The following NKAIN3 variants were observed in gnomAD, a reference collection of about 807,000 sequenced individuals.
NKAIN3 encodes the protein sodium/potassium-transporting ATPase subunit beta-1-interacting protein 3.
A neutral mutation model predicts 30.2 loss-of-function variants in NKAIN3; 25 were observed. The ratio of observed to expected loss-of-function variants is 0.83; its 90% CI spans 0.60 to 1.16. The LOEUF is 1.16. Ranked by LOEUF, NKAIN3 falls within the 50% of genes most tolerant of loss-of-function variation. The probability of loss-of-function intolerance (pLI) is 0.00; values close to 1 mark genes in which losing one functional copy is unlikely to be tolerated. For missense variants in NKAIN3, 225 were observed against 254.1 expected (o/e 0.89, Z 0.78); for synonymous variants, 91 against 89.6 (o/e 1.02, Z -0.09).
chr8:62,847,273 A>G (rs1273654932), intron 4 of NKAIN3, among the ~76,000 whole-genome samples: 2 of 152,186 alleles, frequency 1.3e-5, no homozygotes, highest in African/African-American at 2.4e-5. Flanking sequence ...ACTGTCTTCC[A>G]CAATGGTTGA....
At chr8:62,410,781 G>C (rs553275999) in intron 1 of NKAIN3, among the ~76,000 whole-genome samples, 2 of 152,034 alleles carry the variant, frequency 1.3e-5, no homozygotes, top group East Asian at 3.9e-4. Flanking sequence ...ATGAATTCCT[G>C]AAAACACATA....
At chr8:62,872,158 T>G (rs773986822) in intron 4 of NKAIN3, among the ~76,000 whole-genome samples, 1 of 152,228 alleles carries the variant, frequency 6.6e-6, no homozygotes, top group African/African-American at 2.4e-5. Context: ...ATAGCCTAGA[T>G]GTATAGTTGG....
At chr8:62,325,010 G>A (rs945102522) in intron 1 of NKAIN3, among the ~76,000 whole-genome samples, 1 of 151,556 alleles carries the variant, frequency 6.6e-6, no homozygotes, top group South Asian at 2.1e-4. Context: ...TACTTTTTGG[G>A]GTACATGTGG....
At chr8:62,377,893 G>C (rs1456889882) in intron 1 of NKAIN3, among the ~76,000 whole-genome samples, 1 of 152,148 alleles carries the variant, frequency 6.6e-6, no homozygotes, top group Non-Finnish European at 1.5e-5. Flanking sequence ...AGTGATGTGA[G>C]AATGGACTAA....
intron 1 of NKAIN3, among the ~76,000 whole-genome samples, chr8:62,576,201 T>A (rs1198146345): frequency 6.6e-6 from 1 of 151,914 alleles, no homozygotes; most frequent in Non-Finnish European, 1.5e-5. Context: ...GAGAAAAAAA[T>A]TGCAAACTAC....
chr8:62,810,731 G>T, intron 4 of NKAIN3, among the ~76,000 whole-genome samples: 1 of 137,286 alleles, frequency 7.3e-6, no homozygotes. Context: ...ATGTTTGTAT[G>T]CCTGCATGTA....
intron 4 of NKAIN3, among the ~76,000 whole-genome samples, chr8:62,801,372 T>TCAGC: frequency 6.6e-6 from 1 of 151,918 alleles, no homozygotes; most frequent in Middle Eastern, 3.4e-3. Flanking sequence ...CACCCCCCGA[T>TCAGC]AGGGGCAGAC....
At chr8:62,572,590 A>C (rs35447520) in intron 1 of NKAIN3, among the ~76,000 whole-genome samples, 56,473 of 152,062 alleles carry the variant, frequency 0.37, 12,343 homozygotes, top group Non-Finnish European at 0.5. Context: ...GGGCAATTTA[A>C]AAAGGAAAGA....
intron 4 of NKAIN3, among the ~76,000 whole-genome samples, chr8:62,902,522 C>G (rs1298608516): frequency 1.3e-5 from 2 of 152,108 alleles, no homozygotes; most frequent in South Asian, 2.1e-4. Context: ...ATTTATAAGT[C>G]CCCATAGCCA....
chr8:62,708,754 C>A (rs780006653), intron 3 of NKAIN3, among the ~76,000 whole-genome samples: 76 of 152,138 alleles, frequency 5.0e-4, no homozygotes, highest in Non-Finnish European at 1.6e-4. Context: ...ACTTCCAGTA[C>A]TATGTTGAAG....
intron 4 of NKAIN3, among the ~76,000 whole-genome samples, chr8:62,789,461 C>G (rs891317204): frequency 6.6e-6 from 1 of 152,118 alleles, no homozygotes; most frequent in Admixed American, 6.6e-5. Context: ...TCTAGATATA[C>G]AATCACGTCA....
intron 4 of NKAIN3, among the ~76,000 whole-genome samples, chr8:62,784,004 G>C (rs1216517881): frequency 3.3e-5 from 5 of 151,862 alleles, no homozygotes; most frequent in African/African-American, 7.3e-5. Context: ...CAAATGACAG[G>C]CTGTAAAACA....
intron 5 of NKAIN3, among the ~76,000 whole-genome samples, chr8:62,949,357 A>T (rs538737370): frequency 3.3e-4 from 50 of 152,250 alleles, no homozygotes; most frequent in South Asian, 3.1e-3. Flanking sequence ...TTGGTTGTGT[A>T]TTTTTTTACA....
chr8:62,505,032 C>T (rs947315806), intron 1 of NKAIN3, among the ~76,000 whole-genome samples: 2 of 152,082 alleles, frequency 1.3e-5, no homozygotes, highest in African/African-American at 4.8e-5. Context: ...AGCATTTTCT[C>T]CCCACAAGCT....
chr8:62,562,257 G>C (rs1195053892), intron 1 of NKAIN3, among the ~76,000 whole-genome samples: 3 of 152,130 alleles, frequency 2.0e-5, no homozygotes, highest in African/African-American at 7.2e-5. Context: ...CAGAGTATGA[G>C]AGCATGATGA....
At chr8:62,472,022 T>A (rs1806368259) in intron 1 of NKAIN3, among the ~76,000 whole-genome samples, 1 of 95,770 alleles carries the variant, frequency 1.0e-5, no homozygotes, top group Non-Finnish European at 2.2e-5. Flanking sequence ...AAGGCAAGAC[T>A]CTGTTTAAAA....
chr8:62,931,972 T>C (rs1301740760), intron 5 of NKAIN3, among the ~76,000 whole-genome samples: 6 of 152,224 alleles, frequency 3.9e-5, no homozygotes, highest in Admixed American at 2.0e-4. Flanking sequence ...TGATTGGCTG[T>C]ATTTCTCTCA....
intron 4 of NKAIN3, among the ~76,000 whole-genome samples, chr8:62,871,347 T>A (rs1257288320): frequency 6.8e-6 from 1 of 147,012 alleles, no homozygotes; most frequent in African/African-American, 2.5e-5. Flanking sequence ...AGGTTGCAGT[T>A]GGCCGAGATC....
chr8:62,797,015 C>T (rs2130684587), intron 4 of NKAIN3, among the ~76,000 whole-genome samples: 1 of 152,280 alleles, frequency 6.6e-6, no homozygotes, highest in Non-Finnish European at 1.5e-5. Flanking sequence ...AGAACAATAG[C>T]CCCTCTGTGA....
Sources: allele counts gnomAD v4.1 joint callset (sites outside exome capture counted in the v4.1 genomes callset), GRCh38; gene constraint gnomAD v4.1.1; transcripts MANE v1.5; gene names NCBI Gene and HGNC (gene_info 2026-07-23, HGNC 2026-07-21).